The following STARD9 variants were observed in gnomAD, a reference collection of about 807,000 sequenced individuals.
The protein encoded by STARD9 is StAR related lipid transfer domain containing 9.
STARD9 carries 346 observed loss-of-function variants against 399.8 expected under a neutral mutation model. The observed-to-expected ratio is 0.87, with a 90% CI of 0.79 to 0.95. The LOEUF (loss-of-function observed/expected upper bound fraction) is 0.95. STARD9 is among the 40% of genes least tolerant of loss of function. STARD9 has a pLI of 0.00. For missense variants in STARD9, 5,832 were observed against 5,667.5 expected (o/e 1.03, Z -0.93); for synonymous variants, 2,203 against 2,143.5 (o/e 1.03, Z -0.77).
chr15:42,709,379 C>T (rs1426039890), intron 26 of STARD9, among the ~76,000 whole-genome samples: 1 of 151,934 alleles, frequency 6.6e-6, no homozygotes, highest in Non-Finnish European at 1.5e-5. Context: ...CAGAGGGAGA[C>T]CCTGTCTCAA....
chr15:42,589,527 C>T (rs778738383), intron 3 of STARD9, among the ~76,000 whole-genome samples: 17 of 152,004 alleles, frequency 1.1e-4, no homozygotes, highest in Non-Finnish European at 2.4e-4. Flanking sequence ...AGTTCCAGAA[C>T]GTCATAAAAA....
intron 3 of STARD9, among the ~76,000 whole-genome samples, chr15:42,589,992 G>A (rs1157226958): frequency 7.8e-6 from 1 of 128,976 alleles, no homozygotes; most frequent in African/African-American, 3.0e-5. Context: ...ACCGGGTCTC[G>A]CTCTGTCACT....
chr15:42,704,577 G>C (rs763955794), intron 26 of STARD9, among the ~76,000 whole-genome samples: 5 of 152,126 alleles, frequency 3.3e-5, no homozygotes, highest in Non-Finnish European at 7.3e-5. Flanking sequence ...AGCCATCTTA[G>C]CGCTAGAGGG....
At chr15:42,713,663 C>T (rs546001977) in intron 26 of STARD9, among the ~76,000 whole-genome samples, 1 of 151,800 alleles carries the variant, frequency 6.6e-6, no homozygotes, top group South Asian at 2.1e-4. Flanking sequence ...CTTACTGGGT[C>T]TTTTCTTTTA....
Position 42,688,690 on chromosome 15 carries a change from A to G in STARD9, c.7112A>G (p.Asn2371Ser). 1.3e-6 allele frequency: 2 copies of G among 1,537,696 alleles called. No homozygotes were observed. Among genetic ancestry groups the G allele is most frequent in the South Asian group, 1.2e-5 (1 of 84,056 alleles). The change falls in exon 23 of 33, where the codon AAC becomes AGC. Residue 2371 changes from asparagine to serine, a missense_variant. Transcript: ENST00000290607. ...GATCTCACAATGTTGAAAATTCATA[A>G]CAGTCCCTTGGTAACTGGAGTAGAG... ...VLDLTMLKIH[N>S]SPLVTGVEHQ... is the part of the protein sequence containing the mutation.
chr15:42,616,544 G>A (rs2058965839), intron 3 of STARD9, among the ~76,000 whole-genome samples: 1 of 152,128 alleles, frequency 6.6e-6, no homozygotes, highest in Non-Finnish European at 1.5e-5. Flanking sequence ...CAGAGCAAGA[G>A]CTTTGTTTAG....
intron 25 of STARD9, among the ~76,000 whole-genome samples, 176 bp from the exon 26 acceptor site, chr15:42,695,567 C>T (rs1370216846): frequency 6.6e-6 from 1 of 152,138 alleles, no homozygotes; most frequent in Admixed American, 6.5e-5. Flanking sequence ...GAAATACGAG[C>T]AGTGGTGGCT....
Position 42,687,861 on chromosome 15 carries a change from A to G in STARD9, c.6283A>G (p.Thr2095Ala), listed in dbSNP as rs1457444111. Residue 2095 changes from threonine to alanine, a missense_variant, in exon 23 of 33, where the codon ACT becomes GCT. This residue lies in a region of STARD9 where 5,828 missense variants were observed against 5,651.1 expected (regional missense o/e 1.03). Coordinates refer to ENST00000290607, the MANE Select transcript of STARD9 (RefSeq NM_020759.3). ...CCAGGACCAGAAGGAGCAGGAGAAG[A>G]CTGACCATGCCTTTAGGCCAGACAG... Reference protein sequence around the residue: ...VFQDQKEQEKTDHAFRPDSSG... With the variant: ...VFQDQKEQEKADHAFRPDSSG... 1 of 1,537,258 alleles carries G rather than the reference A, an allele frequency of 6.5e-7. No individual in the cohort carries two copies. Among genetic ancestry groups the G allele is most frequent in the Non-Finnish European group, 8.7e-7 (1 of 1,146,970 alleles).
In STARD9 at chr15:42,686,942, T is replaced by C; in HGVS notation, c.5364T>C (p.Ala1788=). The C allele has an allele frequency of 6.5e-7, 1 of 1,536,456 alleles. No homozygotes were observed. The highest frequency in any genetic ancestry group is 8.7e-7 in the Non-Finnish European group (1 of 1,146,776). ...EAWGFGHNHQ[A]LQGAYLKNNL... ...GGGGCTTTGGTCACAACCACCAAGC[T>C]CTCCAAGGTGCTTATTTGAAGAATA... The change falls in exon 23 of 33, where the codon GCT becomes GCC. Residue 1788 remains alanine, a synonymous_variant. Coordinates refer to ENST00000290607, the MANE Select transcript of STARD9 (RefSeq NM_020759.3).
At chr15:42,638,117 A>G (rs1305368535) in intron 6 of STARD9, 30 bp downstream of exon 6, 3 of 1,526,872 alleles carry the variant, frequency 2.0e-6, no homozygotes, top group Non-Finnish European at 2.6e-6. Context: ...TGGGACCTAC[A>G]GTAGTTCTTC....
In STARD9 at chr15:42,693,161, C is replaced by T; in HGVS notation, c.11583C>T (p.Pro3861=). The T allele has an allele frequency of 6.5e-7, 1 of 1,537,162 alleles. No homozygotes were observed. The highest frequency in any genetic ancestry group is 8.7e-7 in the Non-Finnish European group (1 of 1,146,896). Residue 3861 remains proline, a synonymous_variant, in exon 23 of 33, where the codon CCC becomes CCT. Transcript: ENST00000290607. Reference sequence around the variant, plus strand: ...GCTTAGTTGTCAGCAGTCCCAGTCCCAGCTCCCCTCATTCCCCAGGGCTCT... The same window carrying T: ...GCTTAGTTGTCAGCAGTCCCAGTCCTAGCTCCCCTCATTCCCCAGGGCTCT... ...SYCLVVSSPS[P]SSPHSPGLFP... is the part of the protein sequence containing the mutation.
At position 42,688,256 on chromosome 15, in the gene STARD9, T is replaced by G. The variant is rs1363175565; in HGVS notation, c.6678T>G (p.Phe2226Leu). The part of the protein sequence containing the change: ...LERSSKNNGQ[F>L]VKASASLKGQ... The stretch of plus-strand genomic sequence containing the variant: ...GGTCTTCTAAGAATAATGGCCAGTT[T>G]GTAAAAGCATCAGCAAGTCTCAAAG... Residue 2226 changes from phenylalanine (F) to leucine (L), a missense_variant, in exon 23 of 33, where the codon TTT becomes TTG. Physicochemically the swap from Phe to Leu is conservative, Grantham distance 22. This residue lies in a region of STARD9 where 5,828 missense variants were observed against 5,651.1 expected (regional missense o/e 1.03). Transcript: ENST00000290607. 3.9e-6 allele frequency: 6 copies of G among 1,537,472 alleles called. No homozygotes were observed. The highest frequency in any genetic ancestry group is 1.4e-5 in the African/African-American group (1 of 73,040).
Position 42,695,811 on chromosome 15 carries a change from G to A in STARD9, c.13215G>A (p.Ser4405=), listed in dbSNP as rs1310098734. 2.4e-5 allele frequency: 37 copies of A among 1,537,124 alleles called. No individual in the cohort carries two copies. The highest frequency in any genetic ancestry group is 1.8e-4 in the Admixed American group (9 of 50,988). The change falls in exon 26 of 33, where the codon TCG becomes TCA. Residue 4405 remains serine (S), a synonymous_variant. Coordinates refer to ENST00000290607, the MANE Select transcript of STARD9 (RefSeq NM_020759.3). ...SLCTSSNGSL[S]SGMTSGYNSS... ...GCACCAGCTCTAATGGAAGCCTCTC[G>A]TCTGGCATGACCTCTGGCTATAATA...
intron 17 of STARD9, 137 bp downstream of exon 17, chr15:42,674,628 A>G: frequency 8.4e-7 from 1 of 1,196,934 alleles, no homozygotes; most frequent in African/African-American, 1.5e-5. Flanking sequence ...TTCTGCTGCT[A>G]GGTTTCAGGT....
At chr15:42,696,019 T>C in intron 26 of STARD9, 139 bp downstream of exon 26, 1 of 846,026 alleles carries the variant, frequency 1.2e-6, no homozygotes, top group Non-Finnish European at 1.8e-6. Flanking sequence ...CCTTCTTATG[T>C]GCAGGCCTTT....
intron 26 of STARD9, among the ~76,000 whole-genome samples, chr15:42,697,833 C>G (rs2140319839): frequency 6.6e-6 from 1 of 152,262 alleles, no homozygotes; most frequent in African/African-American, 2.4e-5. Context: ...CAAAACACTT[C>G]TGGTCCCACA....
intron 27 of STARD9, 21 bp from the exon 28 acceptor site, chr15:42,716,906 G>T: frequency 6.5e-7 from 1 of 1,537,124 alleles, no homozygotes. Flanking sequence ...CTATCACAGG[G>T]CCTCCACCTA....
chr15:42,679,315 T>G (rs1160213781), intron 20 of STARD9, among the ~76,000 whole-genome samples: 2 of 152,232 alleles, frequency 1.3e-5, no homozygotes, highest in African/African-American at 4.8e-5. Flanking sequence ...AGGTTTCTAT[T>G]CCAGTTGCTA....
chr15:42,638,804 A>G lies in STARD9; in HGVS notation c.551A>G (p.Tyr184Cys), dbSNP rs988335598. Residue 184 changes from tyrosine to cysteine, a missense_variant, in exon 7 of 33, where the codon TAT (tyrosine) becomes TGT (cysteine). Coordinates refer to ENST00000290607, the MANE Select transcript of STARD9 (RefSeq NM_020759.3). Reference protein sequence around the residue: ...RVREHPEMGPYVQGLSQHVVT... With the variant: ...RVREHPEMGPCVQGLSQHVVT... ...AGGGAGCATCCAGAGATGGGGCCCTATGTACAAGGTGAGCTACTGTGGTCC... is the reference window on the plus strand; with the variant it reads ...AGGGAGCATCCAGAGATGGGGCCCTGTGTACAAGGTGAGCTACTGTGGTCC... 1.0e-5 allele frequency: 16 copies of G among 1,530,018 alleles called. No homozygotes were observed. Among genetic ancestry groups the G allele is most frequent in the African/African-American group, 1.4e-5 (1 of 72,806 alleles). The allele number at this position is 1,530,018 out of a possible 1,614,324, so 94.8% of individuals were successfully genotyped here. A position where few individuals can be genotyped will look rare whatever the true frequency, so the allele number is the denominator to read the frequency against.
Sources: allele counts gnomAD v4.1 joint callset (sites outside exome capture counted in the v4.1 genomes callset), GRCh38; gene constraint gnomAD v4.1.1; regional missense constraint gnomAD v4.1.1; transcripts MANE v1.5; gene names NCBI Gene and HGNC (gene_info 2026-07-23, HGNC 2026-07-21).